Variants in NUP214 observed in about 807,000 individuals in gnomAD.
The protein encoded by NUP214 is nucleoporin 214.
Under a neutral mutation model 196.2 loss-of-function variants are expected in NUP214, and 79 were observed. The observed-to-expected ratio is 0.40, with a 90% CI of 0.34 to 0.49. The LOEUF (loss-of-function observed/expected upper bound fraction) is 0.49, where lower values mean the gene tolerates loss of function less well. Ranked by LOEUF, NUP214 falls within the 20% of genes least tolerant of loss-of-function variation. The probability of loss-of-function intolerance (pLI) is 0.58; values close to 1 mark genes in which losing one functional copy is unlikely to be tolerated. For synonymous variants in NUP214, 1,020 were observed against 990.5 expected, an observed-to-expected ratio of 1.03 and a Z score of -0.56; for missense variants, 2,468 against 2,539.0, an observed-to-expected ratio of 0.97 and a Z score of 0.60.
At chr9:131,175,383 A>G in intron 22 of NUP214, 77 bp from the exon 23 acceptor site, 3 of 1,528,428 alleles carry the variant, frequency 2.0e-6, no homozygotes, top group Non-Finnish European at 1.8e-6. Flanking sequence ...AGTCGAACAT[A>G]AAGAATTTAC....
intron 24 of NUP214, chr9:131,187,045 C>T: frequency 2.2e-6 from 1 of 455,810 alleles, no homozygotes; most frequent in Non-Finnish European, 4.0e-6. Flanking sequence ...TAATTTTTTT[C>T]TTTGGATTGC....
chr9:131,162,379 A>G (rs1457677302), intron 18 of NUP214, among the ~76,000 whole-genome samples: 2 of 152,230 alleles, frequency 1.3e-5, no homozygotes, highest in African/African-American at 4.8e-5. Context: ...TGCAGTCAGA[A>G]AAAAATTTCA....
intron 4 of NUP214, among the ~76,000 whole-genome samples, chr9:131,130,033 T>C (rs540289563): frequency 1.9e-4 from 29 of 152,224 alleles, no homozygotes; most frequent in African/African-American, 6.7e-4. Context: ...TTGGGAATAA[T>C]TGTTTCTGGA....
intron 21 of NUP214, chr9:131,167,640 G>A (rs759241959): frequency 3.3e-5 from 5 of 151,890 alleles, no homozygotes; most frequent in Non-Finnish European, 5.9e-5. Flanking sequence ...TGATATTGTC[G>A]GTCTTTTTTC....
intron 32 of NUP214, among the ~76,000 whole-genome samples, chr9:131,223,416 C>T (rs549457131): frequency 3.9e-5 from 6 of 152,204 alleles, no homozygotes; most frequent in South Asian, 4.2e-4. Context: ...CCGCCCACCT[C>T]GGCCTCCCAA....
intron 21 of NUP214, among the ~76,000 whole-genome samples, chr9:131,168,688 G>A (rs1451056098): frequency 6.6e-6 from 1 of 152,080 alleles, no homozygotes; most frequent in Non-Finnish European, 1.5e-5. Context: ...ATTCCATTTT[G>A]TCATTGAACA....
chr9:131,145,043 T>TA (rs1368881322), intron 12 of NUP214, among the ~76,000 whole-genome samples: 1 of 152,170 alleles, frequency 6.6e-6, no homozygotes, highest in Non-Finnish European at 1.5e-5. Flanking sequence ...TTCCTTATTT[T>TA]AAAAAAAGAA....
At chr9:131,156,723 T>C (rs1832461671) in intron 17 of NUP214, among the ~76,000 whole-genome samples, 1 of 152,164 alleles carries the variant, frequency 6.6e-6, no homozygotes, top group Non-Finnish European at 1.5e-5. Flanking sequence ...TCTAGGACCT[T>C]TTTGGATGAG....
chr9:131,140,623 A>T lies in NUP214; in HGVS notation c.1207A>T (p.Met403Leu). The change falls in exon 11 of 36, where the codon ATG (methionine) becomes TTG (leucine). Residue 403 changes from methionine to leucine, a missense_variant. Met to Leu is a conservative substitution (Grantham distance 15, BLOSUM62 2). Transcript: ENST00000359428. Reference protein sequence around the residue: ...STDGVLCPFYMINQNPGVKSL... With the variant: ...STDGVLCPFYLINQNPGVKSL... ...AGATGGTGTGCTTTGTCCATTTTAT[A>T]TGATTAATCAAAATCCTGGGGTTAA... 2 of 1,613,994 alleles carry T rather than the reference A, an allele frequency of 1.2e-6. No homozygotes were observed. The highest frequency in any genetic ancestry group is 1.7e-6 in the Non-Finnish European group (2 of 1,179,916).
At chr9:131,155,309 T>C (rs1402264413) in intron 17 of NUP214, among the ~76,000 whole-genome samples, 1 of 152,256 alleles carries the variant, frequency 6.6e-6, no homozygotes, top group Non-Finnish European at 1.5e-5. Context: ...TGTCTGTTCA[T>C]GTCCTTAGCC....
chr9:131,216,542 C>CT (rs914407047), intron 31 of NUP214, among the ~76,000 whole-genome samples: 11 of 105,980 alleles, frequency 1.0e-4, no homozygotes, highest in South Asian at 9.2e-4. Context: ...TTTTTTTTTC[C>CT]TTTTTTTTGA....
chr9:131,142,344 C>G (rs1831943115), intron 11 of NUP214, among the ~76,000 whole-genome samples: 1 of 152,210 alleles, frequency 6.6e-6, no homozygotes, highest in South Asian at 2.1e-4. Flanking sequence ...TAGAGAAACT[C>G]CCCTCTTCCT....
intron 28 of NUP214, among the ~76,000 whole-genome samples, chr9:131,196,023 T>TCC (rs758450590): frequency 0.27 from 2,714 of 10,090 alleles, 267 homozygotes; most frequent in South Asian, 0.42. Flanking sequence ...AAACTCTGTG[T>TCC]GTCCCCCCCC....
rs61756080 is a variant in NUP214, at chr9:131,144,564, A to G, written c.1579A>G (p.Lys527Glu). 4 of 1,613,776 alleles carry G rather than the reference A, an allele frequency of 2.5e-6. No individual in the cohort carries two copies. The highest frequency in any genetic ancestry group is 1.7e-5 in the Admixed American group (1 of 59,992). ...PSTFSFVPPS[K>E]ASLAPTPAAS... The stretch of plus-strand genomic sequence containing the variant: ...AACCTTCTCTTTTGTTCCCCCTTCT[A>G]AAGCCTCCCTAGCCCCCACCCCTGC... Residue 527 changes from lysine (K) to glutamate (E), a missense_variant, in exon 12 of 36, where the codon AAA becomes GAA. Physicochemically the swap from Lys to Glu is moderately conservative, Grantham distance 56 (BLOSUM62 1). Transcript: ENST00000359428.
At chr9:131,136,071 C>A in intron 9 of NUP214, 65 bp downstream of exon 9, 1 of 1,331,722 alleles carries the variant, frequency 7.5e-7, no homozygotes, top group Non-Finnish European at 1.1e-6. Flanking sequence ...GAGACAGTCT[C>A]GCTCTGTTGT....
At chr9:131,189,001 C>A in intron 25 of NUP214, 52 bp from the exon 26 acceptor site, 3 of 1,229,888 alleles carry the variant, frequency 2.4e-6, no homozygotes, top group Non-Finnish European at 2.4e-6. Context: ...TTCTTTGTTA[C>A]AAAGAATGGT....
chr9:131,168,507 A>T (rs192204754), intron 21 of NUP214, among the ~76,000 whole-genome samples: 1 of 152,312 alleles, frequency 6.6e-6, no homozygotes, highest in Non-Finnish European at 1.5e-5. Context: ...GCTTGTTTGC[A>T]GTCAATTCTT....
intron 10 of NUP214, among the ~76,000 whole-genome samples, chr9:131,140,328 G>T (rs1831869746): frequency 6.6e-6 from 1 of 152,128 alleles, no homozygotes; most frequent in Non-Finnish European, 1.5e-5. Flanking sequence ...GAGCTTCTAG[G>T]CAGGGCCCAG....
chr9:131,138,836 G>T (rs1308213203), intron 9 of NUP214, among the ~76,000 whole-genome samples: 1 of 152,196 alleles, frequency 6.6e-6, no homozygotes, highest in Non-Finnish European at 1.5e-5. Flanking sequence ...AGCCTTACAT[G>T]CTTCTCTGTG....
Sources: gnomAD v4.1 joint callset for allele counts (sites outside exome capture counted in the v4.1 genomes callset) on GRCh38, gnomAD v4.1.1 for gene constraint, MANE v1.5 for transcripts, NCBI Gene and HGNC (gene_info 2026-07-23, HGNC 2026-07-21) for gene names.